Variants in MYT1L observed in about 807,000 individuals in gnomAD.
The protein encoded by MYT1L is myelin transcription factor 1 like, also known as myelin transcription factor 1-like protein.
MYT1L carries 12 observed loss-of-function variants against 126.7 expected under a neutral mutation model. The observed-to-expected ratio is 0.09, with a 90% confidence interval of 0.06 to 0.15. The LOEUF is 0.15. MYT1L is among the 10% of genes least tolerant of loss of function. The pLI, the probability that MYT1L is intolerant of heterozygous loss-of-function variation, is 1.00. For missense variants in MYT1L, 979 were observed against 1,585.2 expected, an observed-to-expected ratio of 0.62 and a Z score of 6.49; for synonymous variants, 541 against 604.2, an observed-to-expected ratio of 0.90 and a Z score of 1.53.
intron 8 of MYT1L, among the ~76,000 whole-genome samples, chr2:1,975,353 G>A (rs2060091295): frequency 6.6e-6 from 1 of 152,214 alleles, no homozygotes; most frequent in African/African-American, 2.4e-5. Context: ...CATAGCGTCT[G>A]TCCTACAAAG....
At chr2:1,814,049 A>T (rs1424655600) in intron 21 of MYT1L, among the ~76,000 whole-genome samples, 5 of 148,956 alleles carry the variant, frequency 3.4e-5, no homozygotes, top group Admixed American at 6.7e-5. Flanking sequence ...AAAAAGAAAG[A>T]AAAATTAGCT....
Position 2,224,361 on chromosome 2 carries a change from T to C in MYT1L, c.-420-51373A>G, listed in dbSNP as rs2093956704. On this transcript the variant is annotated intron_variant, in intron 2 of 24. Transcript: ENST00000647738. This position sits in a 1 kb window ranked among gnomAD's most constrained non-coding sequence, Gnocchi z 4.0. ...CAGCAAAGGAAGAAGGTCCATGGGC[T>C]CAGTGTCCCTCAAAACTAACATCCC... 2.6e-5 allele frequency among the ~76,000 whole-genome samples: 4 copies of C among 152,032 alleles called. No homozygotes were observed. The South Asian group carries it at 8.3e-4, about 32-fold the overall frequency.
At chr2:1,987,798 T>G (rs2061160491) in intron 5 of MYT1L, among the ~76,000 whole-genome samples, 1 of 152,142 alleles carries the variant, frequency 6.6e-6, no homozygotes, top group Non-Finnish European at 1.5e-5. Flanking sequence ...GGTATGTAAT[T>G]GTTACAGGAG....
chr2:1,836,304 G>C (rs1346194641), intron 21 of MYT1L, among the ~76,000 whole-genome samples: 1 of 120,908 alleles, frequency 8.3e-6, no homozygotes, highest in African/African-American at 3.2e-5. Flanking sequence ...CCATCAGCCT[G>C]CCCCCCCAAG....
At chr2:1,846,663 A>G (rs1009089106) in intron 19 of MYT1L, among the ~76,000 whole-genome samples, 7 of 152,308 alleles carry the variant, frequency 4.6e-5, no homozygotes, top group African/African-American at 1.7e-4. Flanking sequence ...AAGTGGTGCT[A>G]GGGTGGGTGT....
At chr2:2,241,016 CAG>C (rs2094430176) in intron 2 of MYT1L, among the ~76,000 whole-genome samples, 1 of 152,012 alleles carries the variant, frequency 6.6e-6, no homozygotes, top group South Asian at 2.1e-4. Context: ...TGGAGAGAGA[CAG>C]AGGGAAAAAT....
intron 1 of MYT1L, among the ~76,000 whole-genome samples, chr2:2,288,554 A>G (rs543322181): frequency 6.6e-6 from 1 of 152,206 alleles, no homozygotes; most frequent in South Asian, 2.1e-4. Context: ...AAACAATGTA[A>G]AATATCTCAT....
At chr2:2,004,576 GGCGTTCTTTCCTGCAT>G (rs1326724211) in intron 4 of MYT1L, among the ~76,000 whole-genome samples, 8 of 123,400 alleles carry the variant, frequency 6.5e-5, no homozygotes, top group East Asian at 4.9e-4. Flanking sequence ...CTCTTCTGCA[GGCGTTCTTTCCTGCAT>G]GCGTTCTTTC....
chr2:1,857,031 T>C (rs543615667), intron 18 of MYT1L, among the ~76,000 whole-genome samples: 1 of 152,164 alleles, frequency 6.6e-6, no homozygotes, highest in South Asian at 2.1e-4. Flanking sequence ...ACGCGGAGGC[T>C]CAGAGGCCAC....
chr2:2,319,758 C>CATATATAT (rs60572138), intron 1 of MYT1L, among the ~76,000 whole-genome samples: 5 of 147,236 alleles, frequency 3.4e-5, no homozygotes, highest in East Asian at 2.0e-4. Flanking sequence ...CAGAAATATG[C>CATATATAT]ATATATATAT....
chr2:2,291,206 A>G (rs955156777), intron 1 of MYT1L, among the ~76,000 whole-genome samples: 2 of 152,214 alleles, frequency 1.3e-5, no homozygotes, highest in African/African-American at 2.4e-5. Context: ...ATCAGGAAAA[A>G]AGGGTTGTGA....
At chr2:2,279,659 T>A (rs993583788) in intron 2 of MYT1L, among the ~76,000 whole-genome samples, 1 of 152,162 alleles carries the variant, frequency 6.6e-6, no homozygotes, top group Non-Finnish European at 1.5e-5. Flanking sequence ...CATGCCCAGG[T>A]TGCTTTTCCC....
intron 3 of MYT1L, among the ~76,000 whole-genome samples, chr2:2,108,850 C>A (rs1051012231): frequency 6.6e-6 from 1 of 152,200 alleles, no homozygotes; most frequent in Admixed American, 6.5e-5. Context: ...ATATTTTCTA[C>A]ACCTCCTGCA....
At chr2:2,283,856 C>T (rs928225921) in intron 2 of MYT1L, among the ~76,000 whole-genome samples, 5 of 152,160 alleles carry the variant, frequency 3.3e-5, no homozygotes, top group African/African-American at 1.2e-4. Context: ...GTCCGTGCAC[C>T]TCTGGCTACC....
At chr2:1,792,285 A>C (rs1472173608) in intron 24 of MYT1L, 36 bp downstream of exon 24, 1 of 1,568,884 alleles carries the variant, frequency 6.4e-7, no homozygotes, top group South Asian at 1.2e-5. Context: ...GCTGTGGAGG[A>C]CTCCACATTC....
intron 4 of MYT1L, among the ~76,000 whole-genome samples, chr2:2,050,725 G>A (rs1458705759): frequency 6.6e-6 from 1 of 152,160 alleles, no homozygotes; most frequent in Non-Finnish European, 1.5e-5. Flanking sequence ...GCACTGCAGG[G>A]GAGGGAAGAG....
At chr2:2,190,404 G>A (rs1572310443) in intron 2 of MYT1L, among the ~76,000 whole-genome samples, 1 of 150,854 alleles carries the variant, frequency 6.6e-6, no homozygotes, top group Non-Finnish European at 1.5e-5. Flanking sequence ...GCAGGGAGCC[G>A]AGATCACACC....
chr2:2,300,926 T>A (rs560477845), intron 1 of MYT1L, among the ~76,000 whole-genome samples: 75 of 152,250 alleles, frequency 4.9e-4, no homozygotes, highest in African/African-American at 1.7e-3. Flanking sequence ...AAACGCCCAC[T>A]CTCCTGCAGG....
chr2:2,314,758 G>C (rs1288950679), intron 1 of MYT1L, among the ~76,000 whole-genome samples: 1 of 152,048 alleles, frequency 6.6e-6, no homozygotes, highest in Non-Finnish European at 1.5e-5. Context: ...GGGGTATCAT[G>C]CTACCCAACT....
Sources: gnomAD v4.1 joint callset for allele counts (sites outside exome capture counted in the v4.1 genomes callset) on GRCh38, gnomAD v4.1.1 for gene constraint, Gnocchi (gnomAD v3.1) non-coding constraint, MANE v1.5 for transcripts, NCBI Gene and HGNC (gene_info 2026-07-23, HGNC 2026-07-21) for gene names.